CNTNAP4: variants seen among roughly 807,000 people sequenced by gnomAD.
CNTNAP4 encodes contactin-associated protein-like 4.
CNTNAP4 carries 98 observed loss-of-function variants against 148.4 expected under a neutral mutation model. That is an observed-to-expected ratio of 0.66 (90% confidence interval 0.56 to 0.78). The LOEUF (loss-of-function observed/expected upper bound fraction) is 0.78. Among genes scored for constraint, CNTNAP4 ranks in the 30% least tolerant of loss-of-function variants. The probability of loss-of-function intolerance (pLI) is 0.00; values close to 1 mark genes in which losing one functional copy is unlikely to be tolerated. For missense variants in CNTNAP4, 1,935 were observed against 1,565.6 expected, an observed-to-expected ratio of 1.24 and a Z score of -3.98; for synonymous variants, 730 against 565.1, an observed-to-expected ratio of 1.29 and a Z score of -4.14.
intron 3 of CNTNAP4, among the ~76,000 whole-genome samples, chr16:76,413,741 A>G (rs1016228547): frequency 6.6e-6 from 1 of 151,240 alleles, no homozygotes; most frequent in African/African-American, 2.4e-5. Context: ...TTCAATATGT[A>G]TTTTCTACTA....
At chr16:76,323,755 G>C (rs939472333) in intron 2 of CNTNAP4, among the ~76,000 whole-genome samples, 3 of 151,726 alleles carry the variant, frequency 2.0e-5, no homozygotes, top group Non-Finnish European at 4.4e-5. Flanking sequence ...ACCCTTTATC[G>C]TCCTTGTCTG....
At chr16:76,337,329 G>A (rs946802012) in intron 2 of CNTNAP4, among the ~76,000 whole-genome samples, 8 of 152,062 alleles carry the variant, frequency 5.3e-5, no homozygotes, top group Non-Finnish European at 1.2e-4. Context: ...AATGTCAGCC[G>A]GTCTGAGAAA....
At chr16:76,296,120 T>C (rs537482714) in intron 1 of CNTNAP4, among the ~76,000 whole-genome samples, 11 of 152,240 alleles carry the variant, frequency 7.2e-5, no homozygotes, top group Non-Finnish European at 1.0e-4. Context: ...GAATATGCCA[T>C]GGTAATGTAT....
At chr16:76,298,545 G>A (rs961133126) in intron 1 of CNTNAP4, among the ~76,000 whole-genome samples, 2 of 146,244 alleles carry the variant, frequency 1.4e-5, no homozygotes, top group African/African-American at 5.0e-5. Flanking sequence ...AAGGGGCTGT[G>A]CTGAGAAGCA....
At chr16:76,398,070 C>T (rs2078275818) in intron 3 of CNTNAP4, among the ~76,000 whole-genome samples, 1 of 142,348 alleles carries the variant, frequency 7.0e-6, no homozygotes, top group Admixed American at 7.3e-5. Context: ...AGCAAGGAAG[C>T]CAGCCCGAGT....
intron 17 of CNTNAP4, among the ~76,000 whole-genome samples, chr16:76,532,960 A>G (rs544172891): frequency 6.2e-4 from 94 of 152,292 alleles, no homozygotes; most frequent in Non-Finnish European, 9.7e-4. Context: ...TAGAACTACA[A>G]TGTGATCCAG....
intron 1 of CNTNAP4, among the ~76,000 whole-genome samples, chr16:76,309,620 T>G (rs1183682516): frequency 1.3e-5 from 2 of 152,220 alleles, no homozygotes; most frequent in African/African-American, 2.4e-5. Flanking sequence ...TGTAAGTTAT[T>G]AAGTCCTGGC....
At chr16:76,419,129 G>C (rs1249737112) in intron 3 of CNTNAP4, among the ~76,000 whole-genome samples, 2 of 151,980 alleles carry the variant, frequency 1.3e-5, no homozygotes, top group Non-Finnish European at 2.9e-5. Context: ...ACCTTCACAA[G>C]CATATCTCTG....
chr16:76,502,986 A>G (rs910119193), intron 15 of CNTNAP4, among the ~76,000 whole-genome samples: 5 of 152,086 alleles, frequency 3.3e-5, no homozygotes, highest in East Asian at 3.8e-4. Flanking sequence ...AGGTTACCCC[A>G]ATTTATTTAT....
At chr16:76,334,319 A>G (rs1452781992) in intron 2 of CNTNAP4, among the ~76,000 whole-genome samples, 4 of 152,128 alleles carry the variant, frequency 2.6e-5, no homozygotes, top group Non-Finnish European at 5.9e-5. Context: ...AGCCAAAATG[A>G]AACAAAAGCC....
intron 3 of CNTNAP4, among the ~76,000 whole-genome samples, chr16:76,403,991 G>T (rs2078510601): frequency 6.6e-6 from 1 of 152,144 alleles, no homozygotes; most frequent in South Asian, 2.1e-4. Context: ...GAAGCTAAAT[G>T]ATGAGAACTC....
At chr16:76,494,114 A>G (rs2082320937) in intron 13 of CNTNAP4, among the ~76,000 whole-genome samples, 1 of 151,634 alleles carries the variant, frequency 6.6e-6, no homozygotes, top group Non-Finnish European at 1.5e-5. Flanking sequence ...GATTGGCTAC[A>G]TGCTTCACGT....
intron 4 of CNTNAP4, among the ~76,000 whole-genome samples, chr16:76,434,755 A>G (rs947398238): frequency 2.0e-5 from 3 of 152,178 alleles, no homozygotes; most frequent in Non-Finnish European, 2.9e-5. Flanking sequence ...CCCAGCCAGG[A>G]AGCCAATGTG....
At chr16:76,502,763 C>G (rs1353024303) in intron 15 of CNTNAP4, among the ~76,000 whole-genome samples, 2 of 151,744 alleles carry the variant, frequency 1.3e-5, no homozygotes, top group Admixed American at 6.6e-5. Flanking sequence ...TTGAATAAAG[C>G]CATTAGTGTC....
intron 3 of CNTNAP4, among the ~76,000 whole-genome samples, chr16:76,380,679 T>C (rs1256934967): frequency 6.6e-6 from 1 of 152,182 alleles, no homozygotes; most frequent in African/African-American, 2.4e-5. Flanking sequence ...GTAGCGATAC[T>C]ACCTTTATAT....
chr16:76,400,037 A>G (rs908901618), intron 3 of CNTNAP4, among the ~76,000 whole-genome samples: 2 of 152,190 alleles, frequency 1.3e-5, no homozygotes, highest in Non-Finnish European at 2.9e-5. Flanking sequence ...ACAGGTTAGC[A>G]TATCTTAGTG....
At chr16:76,515,909 G>A (rs568888771) in intron 15 of CNTNAP4, among the ~76,000 whole-genome samples, 49 of 152,098 alleles carry the variant, frequency 3.2e-4, no homozygotes, top group African/African-American at 1.0e-3. Context: ...CTAGAAAACC[G>A]TTTAGTAGTT....
At chr16:76,440,010 T>C (rs2079973964) in intron 4 of CNTNAP4, among the ~76,000 whole-genome samples, 1 of 148,796 alleles carries the variant, frequency 6.7e-6, no homozygotes. Context: ...GTCTGATTTG[T>C]GTTTCTTAGA....
At chr16:76,318,339 T>A (rs1165728479) in intron 2 of CNTNAP4, among the ~76,000 whole-genome samples, 2 of 152,214 alleles carry the variant, frequency 1.3e-5, no homozygotes, top group Non-Finnish European at 2.9e-5. Context: ...ATATATGTTA[T>A]TAATTAGATC....
Sources: allele counts gnomAD v4.1 joint callset (sites outside exome capture counted in the v4.1 genomes callset), GRCh38; gene constraint gnomAD v4.1.1; transcripts MANE v1.5; gene names NCBI Gene and HGNC (gene_info 2026-07-23, HGNC 2026-07-21).